The following PCYT2 variants were observed in gnomAD, a reference collection of about 807,000 sequenced individuals.
The protein encoded by PCYT2 is ethanolamine-phosphate cytidylyltransferase.
PCYT2 carries 33 observed loss-of-function variants against 50.0 expected under a neutral mutation model. The observed-to-expected ratio is 0.66, with a 90% CI of 0.50 to 0.88. PCYT2 has a LOEUF of 0.88. Among genes scored for constraint, PCYT2 ranks in the 40% least tolerant of loss-of-function variants. The probability of loss-of-function intolerance (pLI) is 0.00; values close to 1 mark genes in which losing one functional copy is unlikely to be tolerated. For missense variants in PCYT2, 430 were observed against 519.7 expected (o/e 0.83, Z 1.68); for synonymous variants, 240 against 203.7 (o/e 1.18, Z -1.52).
Position 81,902,512 on chromosome 17 carries a change from A to T in PCYT2, c.*2321T>A. On this transcript the variant is annotated 3_prime_UTR_variant, in exon 13 of 13. Transcript: ENST00000538936. ...CTCCCCGGAGCTGCAACTGCACCCC[A>T]GGCTGCGGAGCCTCGTGAGTCCGGC... The T allele has an allele frequency of 6.9e-7, 1 of 1,443,568 alleles. No homozygotes were observed. Among genetic ancestry groups the T allele is most frequent in the South Asian group, 1.4e-5 (1 of 72,694 alleles). The allele number at this position is 1,443,568 out of a possible 1,614,324, so 89.4% of individuals were successfully genotyped here. A position where few individuals can be genotyped will look rare whatever the true frequency, so the allele number is the denominator to read the frequency against.
chr17:81,909,452 C>T (rs2040456007), intron 2 of PCYT2, 62 bp downstream of exon 2: 1 of 1,535,012 alleles, frequency 6.5e-7, no homozygotes, highest in African/African-American at 1.4e-5. Flanking sequence ...GGCTTTCAGT[C>T]AACAGTCGCA....
At position 81,908,913 on chromosome 17, in the gene PCYT2, G is replaced by A. The variant is rs764987799; in HGVS notation, c.303C>T (p.Thr101=). The change falls in exon 3 of 13, where the codon ACC becomes ACT. Residue 101 remains threonine (T), a synonymous_variant. Coordinates refer to ENST00000538936, the MANE Select transcript of PCYT2 (RefSeq NM_002861.5). ...PAAPYVTTLE[T]LDKYNCDFCV... ...AGAAGTCACAGTTGTATTTGTCCAG[G>A]GTCTCTAGTGTAGTGACGTAGGGAG... 3.7e-6 allele frequency: 6 copies of A among 1,613,852 alleles called. No individual in the cohort carries two copies. The African/African-American group carries it at 6.7e-5, about 18-fold the overall frequency.
intron 4 of PCYT2, 99 bp from the exon 5 acceptor site, chr17:81,907,956 G>A: frequency 1.0e-6 from 1 of 992,926 alleles, no homozygotes; most frequent in South Asian, 1.6e-5. Flanking sequence ...TGCTGTGGCA[G>A]AACCCACGGC....
intron 1 of PCYT2, among the ~76,000 whole-genome samples, chr17:81,910,482 C>G (rs555151575): frequency 6.6e-6 from 1 of 152,352 alleles, no homozygotes; most frequent in African/African-American, 2.4e-5. Flanking sequence ...CATGTACCCA[C>G]TGGACAGGCT....
intron 7 of PCYT2, 22 bp from the exon 8 acceptor site, chr17:81,906,568 G>T (rs749471119): frequency 9.9e-6 from 16 of 1,610,142 alleles, no homozygotes; most frequent in Middle Eastern, 1.6e-4. Context: ...TTAAGAAGCA[G>T]TCGGGATGGG....
At chr17:81,905,023 A>G (rs1443009962) in intron 12 of PCYT2, 43 bp downstream of exon 12, 1 of 1,593,906 alleles carries the variant, frequency 6.3e-7, no homozygotes. Flanking sequence ...TCTAGCGGAG[A>G]GCGCCCATGA....
At position 81,902,709 on chromosome 17, in the gene PCYT2, C is replaced by T. The variant is rs753037326; in HGVS notation, c.*2124G>A. On this transcript the variant is annotated 3_prime_UTR_variant, in exon 13 of 13. Transcript: ENST00000538936. ...GGACCTACCAGTGCAAGGCGAACGT[C>T]TTCCTGTCCCTGCGCGCAGCCGACT... is the stretch of plus-strand genomic sequence containing the variant. 9 of 1,609,008 alleles carry T rather than the reference C, an allele frequency of 5.6e-6. No individual in the cohort carries two copies. The Admixed American group carries it at 1.5e-4, about 27-fold the overall frequency.
rs922046403 is a variant in PCYT2 at position 81,904,736 on chromosome 17, A to T, written c.*97T>A. 2.6e-6 allele frequency: 2 copies of T among 775,152 alleles called. No individual in the cohort carries two copies. The highest frequency in any genetic ancestry group is 3.5e-5 in the African/African-American group (2 of 57,606). 48.0% of individuals were successfully genotyped at this position (775,152 alleles called of 1,614,324 possible). A position where few individuals can be genotyped will look rare whatever the true frequency, so the allele number is the denominator to read the frequency against. On this transcript the variant is annotated 3_prime_UTR_variant, in exon 13 of 13. Transcript: ENST00000538936. ...AGTCCTCACCAGCCCTTCCAGAGCC[A>T]GGCCAGTTAGAGAGGGCGGCCCTGC...
rs757177048 is a variant in PCYT2 at position 81,908,942 on chromosome 17, C to T, written c.274G>A (p.Ala92Thr). 6.2e-7 allele frequency: 1 copy of T among 1,614,082 alleles called. No homozygotes were observed. The highest frequency in any genetic ancestry group is 8.5e-7 in the Non-Finnish European group (1 of 1,180,014). ...TCTAGTGTAGTGACGTAGGGAGCCG[C>T]TGGCACCACCTCGTCCACCCATTTG... is the stretch of plus-strand genomic sequence containing the variant. The part of the protein sequence containing the change: ...AIKWVDEVVP[A>T]APYVTTLETL... Residue 92 changes from alanine (A) to threonine (T), a missense_variant, in exon 3 of 13, where the codon GCG (alanine) becomes ACG (threonine). Ala to Thr is a moderately conservative substitution (Grantham distance 58). Around this residue, in one of 4 missense-constraint regions of PCYT2, gnomAD observed 117 missense variants for 163.9 expected, o/e 0.71. Transcript: ENST00000538936.
chr17:81,905,443 T>C lies in PCYT2; in HGVS notation c.908A>G (p.Asp303Gly), dbSNP rs1164884164. 1 of 1,565,666 alleles carries C rather than the reference T, an allele frequency of 6.4e-7. No homozygotes were observed. The highest frequency in any genetic ancestry group is 8.7e-7 in the Non-Finnish European group (1 of 1,155,120). The change falls in exon 11 of 13, where the codon GAC becomes GGC. Residue 303 changes from aspartate to glycine, a missense_variant. By Grantham distance (94) the Asp-to-Gly change is moderately conservative (BLOSUM62 -1). Around this residue, in one of 4 missense-constraint regions of PCYT2, gnomAD observed 248 missense variants for 300.2 expected, o/e 0.83. Coordinates refer to ENST00000538936, the MANE Select transcript of PCYT2 (RefSeq NM_002861.5). ...TTCTGTCTTGCCGTGACACACCAGG[T>C]CCACCTGGAGAAGGAGTGGGGTCAG... ...TAELLSHFKV[D>G]LVCHGKTEII... is the part of the protein sequence containing the mutation.
rs966774238 is a variant in PCYT2, at chr17:81,911,336, C to G, written c.20G>C (p.Gly7Ala). MIRNGR[G>A]AAGGAEQPGP... ...CGGCTGCTCTGCGCCGCCTGCAGCC[C>G]CGCGCCCGTTCCGGATCATGGCCCC... The change falls in exon 1 of 13, where the codon GGG (glycine) becomes GCG (alanine). Residue 7 changes from glycine (G) to alanine (A), a missense_variant. Transcript: ENST00000538936. 40 of 1,108,202 alleles carry G rather than the reference C, an allele frequency of 3.6e-5. No homozygotes were observed. The highest frequency in any genetic ancestry group is 4.3e-5 in the Non-Finnish European group (39 of 899,368). 68.6% of individuals were successfully genotyped at this position (1,108,202 alleles called of 1,614,324 possible).
chr17:81,905,812 CG>C, intron 9 of PCYT2, 77 bp from the exon 10 acceptor site: 4 of 1,461,278 alleles, frequency 2.7e-6, no homozygotes, highest in Non-Finnish European at 3.8e-6. Context: ...TGGTGAGAGA[CG>C]GCTCAGACAT....
At chr17:81,909,270 G>T in intron 2 of PCYT2, 1 of 1,430,512 alleles carries the variant, frequency 7.0e-7, no homozygotes, top group South Asian at 1.5e-5. Flanking sequence ...AGCCCCTGAA[G>T]GCTTGGGAGC....
Position 81,907,736 on chromosome 17 carries a change from C to T in PCYT2, c.492+37G>A, listed in dbSNP as rs754342104. 11 of 1,604,330 alleles carry T rather than the reference C, an allele frequency of 6.9e-6. No individual in the cohort carries two copies. In the East Asian group the frequency reaches 1.3e-4, roughly 20 times the overall value. ...TGCCCCTCCTTTCCCCTGGAGACCT[C>T]GACCCAGGGGCCTCGGGGATTCCGC... On this transcript the variant is annotated intron_variant, in intron 5 of 12. Coordinates refer to ENST00000538936, the MANE Select transcript of PCYT2 (RefSeq NM_002861.5).
rs2040158169 is a variant in PCYT2, at chr17:81,904,897, G to A, written c.1106C>T (p.Ala369Val). 6.2e-7 allele frequency: 1 copy of A among 1,613,010 alleles called. No individual in the cohort carries two copies. Among genetic ancestry groups the A allele is most frequent in the Admixed American group, 1.7e-5 (1 of 59,988 alleles). The change falls in exon 13 of 13, where the codon GCC becomes GTC. Residue 369 changes from alanine (A) to valine (V), a missense_variant. By Grantham distance (64) the Ala-to-Val change is moderately conservative. Coordinates refer to ENST00000538936, the MANE Select transcript of PCYT2 (RefSeq NM_002861.5). The stretch of plus-strand genomic sequence containing the variant: ...CTGCTGCCTGGCAGCCTCCAGGAAG[G>A]CCAGCTCCTTGGCTTCCTTCTTCTG... Reference protein sequence around the residue: ...RNQKKEAKELAFLEAARQQAA... With the variant: ...RNQKKEAKELVFLEAARQQAA...
rs745976002 is a variant in PCYT2 at position 81,906,445 on chromosome 17, G to A, written c.759+19C>T. 1 of 1,610,484 alleles carries A rather than the reference G, an allele frequency of 6.2e-7. No homozygotes were observed. The highest frequency in any genetic ancestry group is 8.5e-7 in the Non-Finnish European group (1 of 1,177,408). On this transcript the variant is annotated intron_variant, in intron 8 of 12. Coordinates refer to ENST00000538936, the MANE Select transcript of PCYT2 (RefSeq NM_002861.5). ...GCCCATCAGCTGCCCAGGGGCCCAG[G>A]GAGCAAGAAGGCAGTGACCTGGTCA...
chr17:81,901,777 C>T lies in PCYT2; in HGVS notation c.*3056G>A, dbSNP rs149222046. 2,259 of 152,598 alleles carry T rather than the reference C, an allele frequency of 0.015. 30 individuals are homozygous for T. Among genetic ancestry groups the T allele is most frequent in the Non-Finnish European group, 0.025 (1,693 of 68,204 alleles). 9.5% of individuals were successfully genotyped at this position (152,598 alleles called of 1,614,324 possible). A position where few individuals can be genotyped will look rare whatever the true frequency, so the allele number is the denominator to read the frequency against. ...TAACAGCCCTGCTGGTGGAACCTTCCCCAGTGGGCATGAAAGAAATGAGGG... is the reference window on the plus strand; with the variant it reads ...TAACAGCCCTGCTGGTGGAACCTTCTCCAGTGGGCATGAAAGAAATGAGGG... On this transcript the variant is annotated 3_prime_UTR_variant, in exon 13 of 13. Transcript: ENST00000538936.
At position 81,902,725 on chromosome 17, in the gene PCYT2, G is replaced by A; in HGVS notation, c.*2108C>T. The A allele has an allele frequency of 1.9e-6, 3 of 1,607,594 alleles. No homozygotes were observed. The highest frequency in any genetic ancestry group is 1.3e-5 in the African/African-American group (1 of 74,612). ...GGCGAACGTCTTCCTGTCCCTGCGC[G>A]CAGCCGACTGCCTCGCCGCCTGAGC... On this transcript the variant is annotated 3_prime_UTR_variant, in exon 13 of 13. Transcript: ENST00000538936.
chr17:81,911,153 C>T, intron 1 of PCYT2, 114 bp downstream of exon 1: 1 of 1,003,360 alleles, frequency 1.0e-6, no homozygotes, highest in Non-Finnish European at 1.2e-6. Flanking sequence ...CGGCCCATGC[C>T]GGACGAGGAC....
Sources: gnomAD v4.1 joint callset for allele counts (sites outside exome capture counted in the v4.1 genomes callset) on GRCh38, gnomAD v4.1.1 for gene constraint, gnomAD v4.1.1 regional missense constraint, MANE v1.5 for transcripts, NCBI Gene and HGNC (gene_info 2026-07-23, HGNC 2026-07-21) for gene names.